Variants in PTPRD observed in about 807,000 individuals in gnomAD.
PTPRD encodes the protein protein tyrosine phosphatase receptor type D.
In PTPRD, 34 loss-of-function variants were observed where a neutral mutation model predicts 214.5. The observed-to-expected ratio is 0.16, with a 90% confidence interval of 0.12 to 0.21. The LOEUF is 0.21. Among genes scored for constraint, PTPRD ranks in the 10% least tolerant of loss-of-function variants. The pLI is 1.00. For synonymous variants in PTPRD, 1,128 were observed against 845.7 expected, an observed-to-expected ratio of 1.33 and a Z score of -5.79; for missense variants, 2,545 against 2,398.7, an observed-to-expected ratio of 1.06 and a Z score of -1.27.
At chr9:8,435,088 C>A (rs2095287214) in intron 35 of PTPRD, among the ~76,000 whole-genome samples, 1 of 152,170 alleles carries the variant, frequency 6.6e-6, no homozygotes, top group African/African-American at 2.4e-5. Context: ...AAATATGTGA[C>A]AAAGATGCTG....
intron 11 of PTPRD, among the ~76,000 whole-genome samples, chr9:8,959,336 T>C (rs1303054362): frequency 1.3e-5 from 2 of 151,980 alleles, no homozygotes; most frequent in Non-Finnish European, 2.9e-5. Context: ...TCTGAGAAAC[T>C]GACTTTTACT....
At chr9:9,816,063 G>A (rs2761741) in intron 5 of PTPRD, among the ~76,000 whole-genome samples, 27,643 of 152,012 alleles carry the variant, frequency 0.18, 3,028 homozygotes, top group African/African-American at 0.31. Context: ...AAGCATGGTT[G>A]TGGTCATCAT....
At position 9,094,469 on chromosome 9, in the gene PTPRD, G is replaced by A. The variant is rs151247361; in HGVS notation, c.-142-75734C>T. On this transcript the variant is annotated intron_variant, in intron 10 of 45. Transcript: ENST00000381196. ...CCACTTATAAGTGGGAGCTAAGCTAGGAGGACACAAAGGCATAAGAATGAT... is the reference window on the plus strand; with the variant it reads ...CCACTTATAAGTGGGAGCTAAGCTAAGAGGACACAAAGGCATAAGAATGAT... 1.4e-3 allele frequency among the ~76,000 whole-genome samples: 206 copies of A among 152,184 alleles called. 2 individuals are homozygous for A. Among genetic ancestry groups the A allele is most frequent in the Non-Finnish European group, 2.4e-3 (161 of 67,974 alleles).
At chr9:9,484,186 G>A (rs956903321) in intron 8 of PTPRD, among the ~76,000 whole-genome samples, 2 of 151,386 alleles carry the variant, frequency 1.3e-5, no homozygotes, top group Non-Finnish European at 2.9e-5. Flanking sequence ...AAGTTCTATT[G>A]TATATAATAG....
At chr9:9,328,039 G>C (rs367571794) in intron 9 of PTPRD, among the ~76,000 whole-genome samples, 5 of 152,198 alleles carry the variant, frequency 3.3e-5, no homozygotes, top group East Asian at 3.9e-4. Flanking sequence ...GATGTACATA[G>C]TTTTTGTGTT....
At chr9:8,603,178 G>C (rs540854351) in intron 14 of PTPRD, among the ~76,000 whole-genome samples, 8 of 152,242 alleles carry the variant, frequency 5.3e-5, no homozygotes, top group Non-Finnish European at 8.8e-5. Context: ...ATTGACTTCA[G>C]AGGTTTCACC....
intron 3 of PTPRD, among the ~76,000 whole-genome samples, chr9:10,200,463 GAAGA>G (rs1263858254): frequency 6.6e-6 from 1 of 152,074 alleles, no homozygotes; most frequent in African/African-American, 2.4e-5. Flanking sequence ...CAGTCCCCAA[GAAGA>G]AAGAATTATC....
intron 12 of PTPRD, among the ~76,000 whole-genome samples, chr9:8,708,182 T>A (rs930634997): frequency 2.6e-5 from 4 of 152,166 alleles, no homozygotes; most frequent in African/African-American, 9.7e-5. Context: ...GTATACCATG[T>A]CTCAGCCAAT....
chr9:10,592,588 G>C (rs1161634007), intron 2 of PTPRD, among the ~76,000 whole-genome samples: 3 of 151,902 alleles, frequency 2.0e-5, no homozygotes, highest in African/African-American at 7.2e-5. Context: ...GACTTACTGG[G>C]TTGAGTGGGG....
chr9:9,016,852 C>T (rs2099537619), intron 11 of PTPRD, among the ~76,000 whole-genome samples: 1 of 152,098 alleles, frequency 6.6e-6, no homozygotes, highest in South Asian at 2.1e-4. Flanking sequence ...GCAATCCTGT[C>T]ACTAGGCAGT....
intron 12 of PTPRD, among the ~76,000 whole-genome samples, chr9:8,702,259 TAA>T (rs111931990): frequency 8.3e-5 from 12 of 144,438 alleles, no homozygotes; most frequent in African/African-American, 5.1e-5. Context: ...GTGTGTAAAG[TAA>T]AAAAAAAAAA....
chr9:9,147,312 T>C (rs1264469716), intron 10 of PTPRD, among the ~76,000 whole-genome samples: 1 of 150,074 alleles, frequency 6.7e-6, no homozygotes, highest in Non-Finnish European at 1.5e-5. Flanking sequence ...GCAGTAAAAA[T>C]GAGTTTCCTG....
At chr9:10,081,045 G>C (rs1335480891) in intron 3 of PTPRD, among the ~76,000 whole-genome samples, 2 of 151,936 alleles carry the variant, frequency 1.3e-5, no homozygotes, top group Admixed American at 1.3e-4. Flanking sequence ...CAAATAACTT[G>C]TATGGAATAT....
At chr9:9,642,045 G>T (rs2095978042) in intron 7 of PTPRD, among the ~76,000 whole-genome samples, 1 of 149,596 alleles carries the variant, frequency 6.7e-6, no homozygotes, top group Non-Finnish European at 1.5e-5. Context: ...ACTGGATTAA[G>T]AAAATGTGGC....
chr9:9,897,095 C>T (rs2075179906), intron 5 of PTPRD, among the ~76,000 whole-genome samples: 1 of 149,420 alleles, frequency 6.7e-6, no homozygotes, highest in Non-Finnish European at 1.5e-5. Context: ...GAAGTAAACA[C>T]TTCCCTGTCA....
In PTPRD at chr9:9,324,936, C is replaced by T. The variant is rs1007007999; in HGVS notation, c.-203+72513G>A. Among the ~76,000 whole-genome samples, 396 of 152,140 alleles carry T rather than the reference C, an allele frequency of 2.6e-3. 4 individuals are homozygous for T. The highest frequency in any genetic ancestry group is 9.2e-3 in the African/African-American group (381 of 41,552). The stretch of plus-strand genomic sequence containing the variant: ...GCTAGCCAGTTTTCCCAGCACCATT[C>T]ATTAAATAGGGAATCCTTTCCCCAT... On this transcript the variant is annotated intron_variant, in intron 9 of 45. Coordinates refer to ENST00000381196, the MANE Select transcript of PTPRD (RefSeq NM_002839.4).
intron 3 of PTPRD, among the ~76,000 whole-genome samples, chr9:10,265,489 G>C (rs910322077): frequency 6.6e-6 from 1 of 152,178 alleles, no homozygotes; most frequent in Non-Finnish European, 1.5e-5. Flanking sequence ...AGAATTATGA[G>C]CTAACAAATG....
intron 31 of PTPRD, 23 bp from the exon 32 acceptor site, chr9:8,465,698 AG>A: frequency 6.3e-7 from 1 of 1,582,424 alleles, no homozygotes; most frequent in South Asian, 1.1e-5. Flanking sequence ...AGTGGGAAAC[AG>A]AAAAAGAACT....
intron 19 of PTPRD, among the ~76,000 whole-genome samples, chr9:8,522,187 C>T (rs1306036283): frequency 6.6e-6 from 1 of 152,156 alleles, no homozygotes; most frequent in Non-Finnish European, 1.5e-5. Context: ...CAGGCTAACA[C>T]CAGTAGAGAT....
Sources: allele counts gnomAD v4.1 joint callset (sites outside exome capture counted in the v4.1 genomes callset), GRCh38; gene constraint gnomAD v4.1.1; transcripts MANE v1.5; gene names NCBI Gene and HGNC (gene_info 2026-07-23, HGNC 2026-07-21).